The following CHN2 variants were observed in gnomAD, a reference collection of about 807,000 sequenced individuals.
The protein encoded by CHN2 is chimerin 2, also known as beta-chimaerin.
In CHN2, 35 loss-of-function variants were observed where a neutral mutation model predicts 56.3. The observed-to-expected ratio is 0.62, with a 90% confidence interval of 0.47 to 0.82. The LOEUF (loss-of-function observed/expected upper bound fraction) is 0.82. Ranked by LOEUF, CHN2 falls within the 40% of genes least tolerant of loss-of-function variation. The probability of loss-of-function intolerance (pLI) is 0.00; values close to 1 mark genes in which losing one functional copy is unlikely to be tolerated. For synonymous variants in CHN2, 210 were observed against 212.8 expected (o/e 0.99, Z 0.12); for missense variants, 491 against 580.5 (o/e 0.85, Z 1.58).
chr7:29,212,888 G>A, intron 1 of CHN2: 1 of 1,610,718 alleles, frequency 6.2e-7, no homozygotes, highest in Non-Finnish European at 8.5e-7. Context: ...CCAATGTGGA[G>A]CAACCAGACC....
chr7:29,273,137 T>C (rs1011017977), intron 1 of CHN2, among the ~76,000 whole-genome samples: 3 of 151,874 alleles, frequency 2.0e-5, no homozygotes, highest in East Asian at 3.9e-4. Context: ...CGCCTACTCA[T>C]GGTAATCATT....
chr7:29,347,887 C>A (rs1797583841), intron 1 of CHN2, among the ~76,000 whole-genome samples: 1 of 152,184 alleles, frequency 6.6e-6, no homozygotes, highest in East Asian at 1.9e-4. Flanking sequence ...GAAATTCAAA[C>A]AGCAAATTGC....
chr7:29,373,308 C>T (rs138778610), intron 3 of CHN2, among the ~76,000 whole-genome samples: 3,155 of 152,100 alleles, frequency 0.021, 121 homozygotes, highest in African/African-American at 0.071. Flanking sequence ...TCCTGAGTGG[C>T]AGGGATTACA....
intron 7 of CHN2, among the ~76,000 whole-genome samples, chr7:29,481,388 G>A (rs1289771122): frequency 1.3e-5 from 2 of 152,196 alleles, no homozygotes; most frequent in Admixed American, 6.5e-5. Flanking sequence ...TTATTCTGTT[G>A]CTTTCCGATC....
intron 1 of CHN2, among the ~76,000 whole-genome samples, chr7:29,235,437 G>A (rs1787116051): frequency 6.6e-6 from 1 of 152,208 alleles, no homozygotes; most frequent in South Asian, 2.1e-4. Context: ...TGATGGGAGT[G>A]TAAATGAGTT....
intron 2 of CHN2, among the ~76,000 whole-genome samples, chr7:29,362,545 C>A (rs905633079): frequency 1.3e-5 from 2 of 152,168 alleles, no homozygotes; most frequent in Admixed American, 1.3e-4. Flanking sequence ...GTCACGGTCC[C>A]CAGCATGTCA....
At chr7:29,421,609 T>G (rs1804354607) in intron 6 of CHN2, among the ~76,000 whole-genome samples, 1 of 152,210 alleles carries the variant, frequency 6.6e-6, no homozygotes, top group Non-Finnish European at 1.5e-5. Context: ...TCCAATGACT[T>G]CTTTTGGCAG....
At chr7:29,510,313 T>C (rs6462148) in intron 12 of CHN2, among the ~76,000 whole-genome samples, 11,710 of 151,896 alleles carry the variant, frequency 0.077, 1,151 homozygotes, top group African/African-American at 0.23. Flanking sequence ...GCTTGATGGG[T>C]CTGTAATCCC....
At chr7:29,293,375 C>CG (rs1383945389) in intron 1 of CHN2, among the ~76,000 whole-genome samples, 4 of 122,754 alleles carry the variant, frequency 3.3e-5, no homozygotes, top group African/African-American at 8.8e-5. Context: ...CCCCCCCCCC[C>CG]CCATATTAAC....
chr7:29,324,297 A>G (rs934627809), intron 1 of CHN2, among the ~76,000 whole-genome samples: 2 of 152,192 alleles, frequency 1.3e-5, no homozygotes, highest in Non-Finnish European at 2.9e-5. Flanking sequence ...AGCAGCACGC[A>G]TGCATCTCTT....
chr7:29,374,737 T>A (rs1057432708), intron 3 of CHN2, among the ~76,000 whole-genome samples: 4 of 152,112 alleles, frequency 2.6e-5, no homozygotes, highest in Non-Finnish European at 5.9e-5. Context: ...TAAACAGTGA[T>A]TGATAATAGG....
intron 1 of CHN2, among the ~76,000 whole-genome samples, chr7:29,350,805 G>T (rs114418259): frequency 3.3e-4 from 50 of 152,238 alleles, no homozygotes; most frequent in Middle Eastern, 3.4e-3. Flanking sequence ...CATATGCATT[G>T]TCTCATTTAA....
intron 1 of CHN2, among the ~76,000 whole-genome samples, chr7:29,283,673 C>T (rs906191312): frequency 2.0e-5 from 3 of 152,066 alleles, no homozygotes; most frequent in Admixed American, 6.6e-5. Context: ...GGCTGGACTG[C>T]AGTGGCACAA....
intron 1 of CHN2, among the ~76,000 whole-genome samples, chr7:29,265,987 G>A (rs572172101): frequency 6.6e-6 from 1 of 152,324 alleles, no homozygotes; most frequent in South Asian, 2.1e-4. Context: ...AGGATGAAAA[G>A]TTCAAGGCCT....
chr7:29,325,639 G>A (rs3793290), intron 1 of CHN2, among the ~76,000 whole-genome samples: 46,579 of 152,096 alleles, frequency 0.31, 7,875 homozygotes, highest in East Asian at 0.55. Flanking sequence ...CAACCAGTGA[G>A]GTGCTAATAT....
chr7:29,264,073 G>A (rs1197395250), intron 1 of CHN2, among the ~76,000 whole-genome samples: 4 of 151,142 alleles, frequency 2.6e-5, no homozygotes, highest in African/African-American at 4.9e-5. Flanking sequence ...CGCCCCGTCC[G>A]GGAGGTGGGG....
At chr7:29,330,112 A>G (rs1796111724) in intron 1 of CHN2, among the ~76,000 whole-genome samples, 1 of 152,244 alleles carries the variant, frequency 6.6e-6, no homozygotes, top group South Asian at 2.1e-4. Flanking sequence ...ATAGGATTTT[A>G]TGTATTTAAT....
At chr7:29,398,545 C>T in intron 5 of CHN2, 59 bp downstream of exon 5, 3 of 1,077,534 alleles carry the variant, frequency 2.8e-6, no homozygotes, top group Admixed American at 1.7e-5. Context: ...CTGATGTTTG[C>T]CCATTTTTAA....
At chr7:29,180,482 G>A (rs993418888) in intron 2 of CHN2, among the ~76,000 whole-genome samples, 3 of 151,946 alleles carry the variant, frequency 2.0e-5, no homozygotes, top group Non-Finnish European at 2.9e-5. Context: ...AGCCGAGATC[G>A]CGCCACTGCA....
Sources: gnomAD v4.1 joint callset for allele counts (sites outside exome capture counted in the v4.1 genomes callset) on GRCh38, gnomAD v4.1.1 for gene constraint, MANE v1.5 for transcripts, NCBI Gene and HGNC (gene_info 2026-07-23, HGNC 2026-07-21) for gene names.